Variants in OTUD7A observed in about 807,000 individuals in gnomAD.
OTUD7A encodes the protein OTU deubiquitinase 7A.
Under a neutral mutation model 65.7 loss-of-function variants are expected in OTUD7A, and 12 were observed. The ratio of observed to expected loss-of-function variants is 0.18; its 90% CI spans 0.12 to 0.30. OTUD7A has a LOEUF of 0.30. Among genes scored for constraint, OTUD7A ranks in the 10% least tolerant of loss-of-function variants. The probability of loss-of-function intolerance (pLI) is 1.00; values close to 1 mark genes in which losing one functional copy is unlikely to be tolerated. For missense variants in OTUD7A, 1,148 were observed against 1,304.8 expected, an observed-to-expected ratio of 0.88 and a Z score of 1.85; for synonymous variants, 641 against 586.3, an observed-to-expected ratio of 1.09 and a Z score of -1.35.
intron 10 of OTUD7A, among the ~76,000 whole-genome samples, chr15:31,494,965 G>T (rs890097463): frequency 6.6e-6 from 1 of 152,226 alleles, no homozygotes; most frequent in Non-Finnish European, 1.5e-5. Context: ...CACAGAGATG[G>T]CTGGGGCCCT....
intron 1 of OTUD7A, among the ~76,000 whole-genome samples, chr15:31,813,426 T>C (rs956476171): frequency 6.6e-6 from 1 of 152,218 alleles, no homozygotes; most frequent in Non-Finnish European, 1.5e-5. Context: ...CTTTCTGACA[T>C]GAAGAACTAT....
intron 5 of OTUD7A, among the ~76,000 whole-genome samples, chr15:31,543,392 T>TG (rs1888041296): frequency 6.6e-6 from 1 of 151,804 alleles, no homozygotes; most frequent in African/African-American, 2.4e-5. Context: ...AAACACCACA[T>TG]TGAATGGGGG....
intron 1 of OTUD7A, among the ~76,000 whole-genome samples, chr15:31,686,339 A>T (rs1892836172): frequency 6.6e-6 from 1 of 152,242 alleles, no homozygotes; most frequent in African/African-American, 2.4e-5. Context: ...GAGCTCACTC[A>T]AGACTAGAGA....
intron 1 of OTUD7A, among the ~76,000 whole-genome samples, chr15:31,692,973 T>TA (rs1892991268): frequency 6.6e-6 from 1 of 151,576 alleles, no homozygotes; most frequent in Non-Finnish European, 1.5e-5. Context: ...GTGGATGGCT[T>TA]TATCTCTTAG....
At chr15:31,738,131 A>G (rs1289728041) in intron 1 of OTUD7A, among the ~76,000 whole-genome samples, 2 of 152,330 alleles carry the variant, frequency 1.3e-5, no homozygotes, top group South Asian at 2.1e-4. Flanking sequence ...GCCAGAGAAA[A>G]CAAGGCAGAG....
intron 1 of OTUD7A, chr15:31,767,257 T>C: frequency 1.1e-6 from 1 of 887,504 alleles, no homozygotes; most frequent in Non-Finnish European, 1.9e-6. Flanking sequence ...TCTGAAACTG[T>C]TATGTAGCCA....
chr15:31,762,273 T>C (rs1305929728), intron 1 of OTUD7A, among the ~76,000 whole-genome samples: 2 of 152,168 alleles, frequency 1.3e-5, no homozygotes, highest in Admixed American at 1.3e-4. Flanking sequence ...GGAGGGGAAT[T>C]CTCCTCTCTG....
chr15:31,750,382 C>A (rs574788568), intron 1 of OTUD7A, among the ~76,000 whole-genome samples: 26 of 115,626 alleles, frequency 2.2e-4, no homozygotes, highest in African/African-American at 7.7e-4. Context: ...CTTTCTAGCC[C>A]GGGCAACAGA....
chr15:31,561,322 T>G (rs748128233), intron 4 of OTUD7A, among the ~76,000 whole-genome samples: 6 of 152,334 alleles, frequency 3.9e-5, no homozygotes, highest in Non-Finnish European at 7.3e-5. Flanking sequence ...GTGCAAGCCA[T>G]GCTGAGGCCA....
intron 3 of OTUD7A, among the ~76,000 whole-genome samples, chr15:31,647,256 A>C (rs759135407): frequency 1.3e-5 from 2 of 152,158 alleles, no homozygotes; most frequent in Non-Finnish European, 2.9e-5. Context: ...TTTTGTTCCC[A>C]TTCAAGGGTG....
At chr15:31,789,090 A>G (rs1343279840) in intron 1 of OTUD7A, among the ~76,000 whole-genome samples, 2 of 152,154 alleles carry the variant, frequency 1.3e-5, no homozygotes, top group Non-Finnish European at 2.9e-5. Flanking sequence ...GTTGGAAATA[A>G]ATTTCATTTT....
intron 1 of OTUD7A, among the ~76,000 whole-genome samples, chr15:31,714,019 G>A (rs1210498825): frequency 5.5e-5 from 8 of 146,492 alleles, no homozygotes; most frequent in East Asian, 2.0e-4. Context: ...GCCCTCCCAC[G>A]GAGCTGGTGT....
At chr15:31,787,747 T>C (rs914943491) in intron 1 of OTUD7A, 3 of 152,230 alleles carry the variant, frequency 2.0e-5, no homozygotes, top group Non-Finnish European at 4.4e-5. Flanking sequence ...GGCAATATCA[T>C]ATGTATCATA....
At chr15:31,772,288 T>C (rs902716862) in intron 1 of OTUD7A, among the ~76,000 whole-genome samples, 2 of 152,040 alleles carry the variant, frequency 1.3e-5, no homozygotes, top group Admixed American at 6.5e-5. Flanking sequence ...AGAGTGTTGA[T>C]TTATTTACCT....
At chr15:31,751,415 A>G (rs1894632561) in intron 1 of OTUD7A, among the ~76,000 whole-genome samples, 1 of 152,160 alleles carries the variant, frequency 6.6e-6, no homozygotes, top group Non-Finnish European at 1.5e-5. Flanking sequence ...TCCAAACAAT[A>G]ACAGACAGTG....
intron 3 of OTUD7A, among the ~76,000 whole-genome samples, chr15:31,602,276 C>T (rs531086164): frequency 2.1e-4 from 32 of 152,262 alleles, no homozygotes; most frequent in Middle Eastern, 3.4e-3. Flanking sequence ...GGGCTTCATC[C>T]CTGGGATGCA....
chr15:31,694,772 C>A (rs1218118065), intron 1 of OTUD7A, among the ~76,000 whole-genome samples: 3 of 152,132 alleles, frequency 2.0e-5, no homozygotes. Context: ...CAGGTTCATT[C>A]TTGCCGTACG....
intron 3 of OTUD7A, among the ~76,000 whole-genome samples, chr15:31,581,477 G>A (rs1241046019): frequency 6.6e-6 from 1 of 152,254 alleles, no homozygotes; most frequent in African/African-American, 2.4e-5. Flanking sequence ...CTCCATGAGG[G>A]TTCTGCTCCT....
intron 3 of OTUD7A, among the ~76,000 whole-genome samples, chr15:31,601,497 G>C (rs1486204652): frequency 1.3e-5 from 2 of 152,122 alleles, no homozygotes; most frequent in Admixed American, 6.6e-5. Context: ...ATGCCCACAA[G>C]AGAAAGCAGG....
Sources: allele counts gnomAD v4.1 joint callset (sites outside exome capture counted in the v4.1 genomes callset), GRCh38; gene constraint gnomAD v4.1.1; transcripts MANE v1.5; gene names NCBI Gene and HGNC (gene_info 2026-07-23, HGNC 2026-07-21).